Variants in TUSC3 observed in about 807,000 individuals in gnomAD.
TUSC3 encodes the protein tumor suppressor candidate 3, also known as dolichyl-diphosphooligosaccharide--protein glycosyltransferase subunit TUSC3.
Under a neutral mutation model 44.8 loss-of-function variants are expected in TUSC3, and 45 were observed. The observed-to-expected ratio is 1.00, with a 90% CI of 0.79 to 1.29. The LOEUF is 1.29. Among genes scored for constraint, TUSC3 ranks in the 50% most tolerant of loss-of-function variants. TUSC3 has a pLI of 0.00. For missense variants in TUSC3, 519 were observed against 437.9 expected, an observed-to-expected ratio of 1.19 and a Z score of -1.65; for synonymous variants, 212 against 152.9, an observed-to-expected ratio of 1.39 and a Z score of -2.85.
rs569967105 is a variant in TUSC3, at chr8:15,448,999, A to G, written n.91+31694A>G. Among the ~76,000 whole-genome samples, 378 of 152,286 alleles carry G rather than the reference A, an allele frequency of 2.5e-3. 3 individuals are homozygous for G. The highest frequency in any genetic ancestry group is 6.8e-3 in the Middle Eastern group (2 of 294). On this transcript the variant is annotated intron_variant and non_coding_transcript_variant, in intron 1 of 5. Transcript: ENST00000503191. Reference sequence around the variant, plus strand: ...AGAAAATGTATAGTAGTGTCTAGTAATGTCCCAGGCCTTCACATTCATTTA... The same window carrying G: ...AGAAAATGTATAGTAGTGTCTAGTAGTGTCCCAGGCCTTCACATTCATTTA...
intron 1 of TUSC3, among the ~76,000 whole-genome samples, chr8:15,609,493 T>C (rs1008990970): frequency 1.3e-5 from 2 of 152,156 alleles, no homozygotes; most frequent in African/African-American, 4.8e-5. Flanking sequence ...AAATGAGATA[T>C]TTATTTATAA....
At chr8:15,659,714 A>C (rs1807335397) in intron 4 of TUSC3, 67 bp downstream of exon 4, 2 of 1,584,700 alleles carry the variant, frequency 1.3e-6, no homozygotes, top group Admixed American at 3.3e-5. Context: ...GCATTTTAAT[A>C]AGGCCACAGT....
chr8:15,656,687 G>C (rs976336968), intron 3 of TUSC3, among the ~76,000 whole-genome samples: 9 of 152,364 alleles, frequency 5.9e-5, no homozygotes, highest in Non-Finnish European at 1.2e-4. Context: ...GTTGCATGCT[G>C]TTGGCTCTGT....
chr8:15,610,473 G>A (rs1040693296), intron 1 of TUSC3, among the ~76,000 whole-genome samples: 1 of 152,120 alleles, frequency 6.6e-6, no homozygotes, highest in African/African-American at 2.4e-5. Context: ...TTATGAATAA[G>A]GAAATACTAG....
intron 1 of TUSC3, among the ~76,000 whole-genome samples, chr8:15,610,612 T>C (rs1445046556): frequency 6.6e-6 from 1 of 152,232 alleles, no homozygotes; most frequent in Admixed American, 6.5e-5. Context: ...AAACAGTTGT[T>C]ACTTCGAAAT....
chr8:15,696,885 A>G (rs1430936743), intron 6 of TUSC3, among the ~76,000 whole-genome samples: 1 of 151,992 alleles, frequency 6.6e-6, no homozygotes, highest in East Asian at 1.9e-4. Flanking sequence ...TCTTCTTTGA[A>G]TGTCTGGTAG....
intron 2 of TUSC3, among the ~76,000 whole-genome samples, chr8:15,645,247 T>A (rs573072155): frequency 1.3e-5 from 2 of 152,300 alleles, no homozygotes; most frequent in East Asian, 3.9e-4. Context: ...CCTATTTATG[T>A]TTCTACCACT....
At chr8:15,723,619 C>T (rs1285907908) in intron 6 of TUSC3, among the ~76,000 whole-genome samples, 2 of 152,032 alleles carry the variant, frequency 1.3e-5, no homozygotes, top group Non-Finnish European at 2.9e-5. Context: ...CTAGTAAGAA[C>T]TAATGCTGCC....
the TUSC3 span, among the ~76,000 whole-genome samples, chr8:15,788,939 T>C: frequency 7.2e-5 from 11 of 152,160 alleles, no homozygotes; most frequent in Non-Finnish European, 1.3e-4. Flanking sequence ...AGGTGTTAGA[T>C]TATTAGGAAA....
chr8:15,777,072 T>A, the TUSC3 span, among the ~76,000 whole-genome samples: 4 of 152,172 alleles, frequency 2.6e-5, no homozygotes, highest in Non-Finnish European at 5.9e-5. Context: ...CTTACAAGGT[T>A]CTTTTCCAGC....
At chr8:15,840,053 A>T in the TUSC3 span, among the ~76,000 whole-genome samples, 1 of 152,204 alleles carries the variant, frequency 6.6e-6, no homozygotes, top group African/African-American at 2.4e-5. Context: ...AGCCATAAAA[A>T]ATGATGAGTT....
At chr8:15,546,955 T>A (rs187833656) in intron 1 of TUSC3, among the ~76,000 whole-genome samples, 10 of 151,666 alleles carry the variant, frequency 6.6e-5, no homozygotes, top group African/African-American at 2.4e-4. Context: ...ACAGTAAGTT[T>A]AGAGAGTGAT....
the TUSC3 span, among the ~76,000 whole-genome samples, chr8:15,777,475 A>G: frequency 6.6e-6 from 1 of 152,226 alleles, no homozygotes; most frequent in Non-Finnish European, 1.5e-5. Flanking sequence ...CTGCTTAAAT[A>G]CACACATGAA....
At chr8:15,774,782 CTGA>C in the TUSC3 span, among the ~76,000 whole-genome samples, 2 of 152,090 alleles carry the variant, frequency 1.3e-5, no homozygotes, top group Non-Finnish European at 2.9e-5. Context: ...ACATATCACT[CTGA>C]TGTGTGACTT....
chr8:15,670,374 T>C (rs562166607), intron 5 of TUSC3, among the ~76,000 whole-genome samples: 3 of 151,982 alleles, frequency 2.0e-5, no homozygotes, highest in East Asian at 3.9e-4. Context: ...ACAGAATCTA[T>C]AGTCCAGAAA....
chr8:15,524,982 G>A (rs1422168695), intron 2 of TUSC3, among the ~76,000 whole-genome samples: 2 of 152,156 alleles, frequency 1.3e-5, no homozygotes, highest in East Asian at 3.9e-4. Context: ...TTGCCCAGAC[G>A]TTAGAATAAT....
At chr8:15,702,285 G>C (rs561022848) in intron 6 of TUSC3, among the ~76,000 whole-genome samples, 2 of 152,098 alleles carry the variant, frequency 1.3e-5, no homozygotes, top group Non-Finnish European at 2.9e-5. Flanking sequence ...GTAAACATTG[G>C]TATTAAATAA....
At chr8:15,449,705 C>T (rs1417828127) in intron 1 of TUSC3, among the ~76,000 whole-genome samples, 1 of 152,170 alleles carries the variant, frequency 6.6e-6, no homozygotes, top group Non-Finnish European at 1.5e-5. Flanking sequence ...GGAGTCCTTT[C>T]AGTCTGCTGG....
chr8:15,710,798 AAT>A (rs1380336287), intron 6 of TUSC3, among the ~76,000 whole-genome samples: 3 of 148,430 alleles, frequency 2.0e-5, no homozygotes, highest in Non-Finnish European at 4.5e-5. Context: ...TATATTTATA[AAT>A]ATATATATTT....
Sources: allele counts gnomAD v4.1 joint callset (sites outside exome capture counted in the v4.1 genomes callset), GRCh38; gene constraint gnomAD v4.1.1; transcripts MANE v1.5; gene names NCBI Gene and HGNC (gene_info 2026-07-23, HGNC 2026-07-21).